MYO15A: variants seen among roughly 807,000 people sequenced by gnomAD.
MYO15A encodes unconventional myosin-XV.
In MYO15A, 308 loss-of-function variants were observed where a neutral mutation model predicts 394.6. The observed-to-expected ratio is 0.78, with a 90% CI of 0.71 to 0.86. The LOEUF is 0.86. MYO15A is among the 40% of genes least tolerant of loss of function. The pLI, the probability that MYO15A is intolerant of heterozygous loss-of-function variation, is 0.00. For missense variants in MYO15A, 4,606 were observed against 4,799.1 expected (o/e 0.96, Z 1.19); for synonymous variants, 1,957 against 2,003.8 (o/e 0.98, Z 0.62).
At chr17:18,141,561 T>C (rs2046381305) in intron 22 of MYO15A, 92 bp from the exon 23 acceptor site, 5 of 1,243,722 alleles carry the variant, frequency 4.0e-6, no homozygotes, top group Non-Finnish European at 5.9e-6. Flanking sequence ...ACCAGGCTTT[T>C]TGGACACCTG....
chr17:18,175,435 C>T (rs1232804924), intron 65 of MYO15A, among the ~76,000 whole-genome samples: 1 of 151,886 alleles, frequency 6.6e-6, no homozygotes, highest in Non-Finnish European at 1.5e-5. Context: ...GGACTGCAGG[C>T]GCATGCCACA....
In MYO15A at chr17:18,143,886, G is replaced by C; in HGVS notation, c.6063G>C (p.Gln2021His). 1.3e-6 allele frequency: 2 copies of C among 1,587,380 alleles called. No individual in the cohort carries two copies. The highest frequency in any genetic ancestry group is 1.7e-6 in the Non-Finnish European group (2 of 1,165,836). The change falls in exon 28 of 66, where the codon CAG becomes CAC. Residue 2021 changes from glutamine to histidine, a missense_variant. By Grantham distance (24) the Gln-to-His change is conservative. Coordinates refer to ENST00000647165, the MANE Select transcript of MYO15A (RefSeq NM_016239.4). ...TTTCCACAGGCCTCGGGCTGGCCCAGGTGCCTCAGGTGGCCCCTGTGAGGA... is the reference window on the plus strand; with the variant it reads ...TTTCCACAGGCCTCGGGCTGGCCCACGTGCCTCAGGTGGCCCCTGTGAGGA... ...LQAVAGLGLA[Q>H]VPQVAPVRTP...
At chr17:18,145,419 T>C (rs2046457843) in intron 29 of MYO15A, among the ~76,000 whole-genome samples, 1 of 152,142 alleles carries the variant, frequency 6.6e-6, no homozygotes, top group African/African-American at 2.4e-5. Context: ...CGGCATAGAA[T>C]ATGGCAGTTG....
In MYO15A at chr17:18,141,097, A is replaced by G; in HGVS notation, c.5485A>G (p.Lys1829Glu). ...SGVLETVRIR[K>E]EGFPVRLPFQ... is the part of the protein sequence containing the mutation. ...GGTGCTGGAGACCGTGAGGATCCGCAAGGAGGGATTTCCAGTGCGCCTGCC... is the reference window on the plus strand; with the variant it reads ...GGTGCTGGAGACCGTGAGGATCCGCGAGGAGGGATTTCCAGTGCGCCTGCC... The change falls in exon 22 of 66, where the codon AAG (lysine) becomes GAG (glutamate). Residue 1829 changes from lysine (K) to glutamate (E), a missense_variant. Around this residue, in one of 2 missense-constraint regions of MYO15A, gnomAD observed 2,776 missense variants for 3,109.3 expected, o/e 0.89. Transcript: ENST00000647165. 1 of 1,614,016 alleles carries G rather than the reference A, an allele frequency of 6.2e-7. No individual in the cohort carries two copies. Among genetic ancestry groups the G allele is most frequent in the East Asian group, 2.2e-5 (1 of 44,868 alleles).
chr17:18,134,305 C>A lies in MYO15A; in HGVS notation c.4482+919C>A, dbSNP rs1224768835. 2.6e-5 allele frequency among the ~76,000 whole-genome samples: 4 copies of A among 152,078 alleles called. No individual in the cohort carries two copies. In the East Asian group the frequency reaches 7.7e-4, roughly 29 times the overall value. On this transcript the variant is annotated intron_variant, in intron 12 of 65. Transcript: ENST00000647165. ...GCCCCGGCCTGTTGGGTTTTTTATG[C>A]AAATTGTTTTAAAATTATTTTTAGA... is the stretch of plus-strand genomic sequence containing the variant.
chr17:18,154,199 C>T lies in MYO15A; in HGVS notation c.8148+9C>T. ...ACCTCCTGTTCCGGCAGGTGAGGTC[C>T]TGTCTCCCCTTTCTGCCTCAGTGAA... On this transcript the variant is annotated intron_variant, in intron 44 of 65. Transcript: ENST00000647165. The T allele has an allele frequency of 6.2e-7, 1 of 1,613,876 alleles. No individual in the cohort carries two copies. Among genetic ancestry groups the T allele is most frequent in the Non-Finnish European group, 8.5e-7 (1 of 1,179,964 alleles).
intron 52 of MYO15A, 89 bp from the exon 53 acceptor site, chr17:18,158,836 C>A (rs1026536394): frequency 9.9e-5 from 151 of 1,527,606 alleles, no homozygotes; most frequent in Middle Eastern, 1.7e-4. Context: ...GGGTCAAGAA[C>A]CCCCTCCCTG....
chr17:18,132,077 A>G lies in MYO15A; in HGVS notation c.4207-376A>G, dbSNP rs2046177503. 6.6e-6 allele frequency among the ~76,000 whole-genome samples: 1 copy of G among 152,196 alleles called. No homozygotes were observed. Among genetic ancestry groups the G allele is most frequent in the Non-Finnish European group, 1.5e-5 (1 of 68,024 alleles). On this transcript the variant is annotated intron_variant, in intron 10 of 65. Transcript: ENST00000647165. This position sits in a 1 kb window ranked among gnomAD's most constrained non-coding sequence, Gnocchi z 4.6. ...CCACTATGTCCCAAGGGCCTAGGAC[A>G]GGGCTTGGTGCACAGGAAGTGCTCA... is the stretch of plus-strand genomic sequence containing the variant.
chr17:18,119,415 C>T lies in MYO15A; in HGVS notation c.615C>T (p.Phe205=). The stretch of plus-strand genomic sequence containing the variant: ...ACGCGTCAGGCGAGCCCCTGGGCTT[C>T]CTGCCCTTCGAGGACGAGGCCCCAT... ...SIYASGEPLG[F]LPFEDEAPFH... is the part of the protein sequence containing the mutation. Residue 205 remains phenylalanine, a synonymous_variant, in exon 2 of 66, where the codon TTC becomes TTT. Transcript: ENST00000647165. 1 of 1,612,046 alleles carries T rather than the reference C, an allele frequency of 6.2e-7. No homozygotes were observed.
chr17:18,127,291 G>A (rs1157098751), intron 7 of MYO15A, 126 bp downstream of exon 7: 5 of 1,211,044 alleles, frequency 4.1e-6, no homozygotes, highest in East Asian at 5.1e-5. Context: ...TCCAGAAGGG[G>A]GCCTTGCCCA....
chr17:18,136,776 T>C (rs2046286074), intron 15 of MYO15A, 90 bp downstream of exon 15: 4 of 1,504,014 alleles, frequency 2.7e-6, no homozygotes, highest in Middle Eastern at 3.7e-4. Flanking sequence ...CATCCCTTTC[T>C]GTGCCTGCAG....
Position 18,167,736 on chromosome 17 carries a change from C to T in MYO15A, c.10082+13C>T, listed in dbSNP as rs774433066. 2 of 1,602,114 alleles carry T rather than the reference C, an allele frequency of 1.2e-6. No homozygotes were observed. Among genetic ancestry groups the T allele is most frequent in the Admixed American group, 3.3e-5 (2 of 60,028 alleles). Reference sequence around the variant, plus strand: ...ACCTGCCGAGCGTGTGAGCATCTGCCCTCCTGCCTCAGCTGGGGTGGACAG... The same window carrying T: ...ACCTGCCGAGCGTGTGAGCATCTGCTCTCCTGCCTCAGCTGGGGTGGACAG... On this transcript the variant is annotated intron_variant, in intron 62 of 65. Coordinates refer to ENST00000647165, the MANE Select transcript of MYO15A (RefSeq NM_016239.4).
rs1555539322 is a variant in MYO15A, at chr17:18,121,056, GGC to G, written c.2258_2259del (p.Ala753GlyfsTer226). ...PSFRGSRRRG[A>X]AFGFPGASPR... is the part of the protein sequence containing the mutation. ...CGTTCAGGGGCTCCCGCCGGAGAGG[GGC>G]GGCTTTCGGCTTCCCCGGGGCCTCT... On this transcript the variant is annotated frameshift_variant, in exon 2 of 66. Coordinates refer to ENST00000647165, the MANE Select transcript of MYO15A (RefSeq NM_016239.4). LOFTEE classifies it high-confidence loss of function. This position sits in a 1 kb window ranked among gnomAD's most constrained non-coding sequence, Gnocchi z 5.3. The G allele has an allele frequency of 6.6e-7, 1 of 1,507,856 alleles. No individual in the cohort carries two copies. 93.4% of individuals were successfully genotyped at this position (1,507,856 alleles called of 1,614,324 possible). A position where few individuals can be genotyped will look rare whatever the true frequency, so the allele number is the denominator to read the frequency against.
intron 28 of MYO15A, 60 bp downstream of exon 28, chr17:18,144,060 A>T (rs1171556993): frequency 6.2e-7 from 1 of 1,609,626 alleles, no homozygotes; most frequent in Non-Finnish European, 8.5e-7. Context: ...ATTAGAATGG[A>T]CATTGTCCTT....
intron 59 of MYO15A, 76 bp from the exon 60 acceptor site, chr17:18,163,666 G>T: frequency 7.4e-7 from 1 of 1,354,028 alleles, no homozygotes. Flanking sequence ...CATGGCCTCT[G>T]GGGGCCTGAG....
In MYO15A at chr17:18,173,928, C is replaced by G; in HGVS notation, c.10491+7C>G. 6.2e-7 allele frequency: 1 copy of G among 1,612,558 alleles called. No individual in the cohort carries two copies. The highest frequency in any genetic ancestry group is 1.3e-5 in the African/African-American group (1 of 75,038). On this transcript the variant is annotated splice_region_variant and intron_variant, in intron 65 of 65. Transcript: ENST00000647165. ...GCAGCTGCAGCTGGAGCAGGTGGGCCCAGCGCTAAGTCCAACATTCCACTC... is the reference window on the plus strand; with the variant it reads ...GCAGCTGCAGCTGGAGCAGGTGGGCGCAGCGCTAAGTCCAACATTCCACTC...
In MYO15A at chr17:18,150,721, T is replaced by C. The variant is rs777435420; in HGVS notation, c.7351T>C (p.Leu2451=). Residue 2451 remains leucine (L), a synonymous_variant, in exon 37 of 66, where the codon TTG becomes CTG. Transcript: ENST00000647165. This position sits in a 1 kb window ranked among gnomAD's most constrained non-coding sequence, Gnocchi z 4.4. ...KPIPGLDAST[L]ALQQAFIHKQ... ...AGTCCCAGGCCTGGATGCCTCCACA[T>C]TGGCTCTGCAGCAAGCCTTCATCCA... is the stretch of plus-strand genomic sequence containing the variant. The C allele has an allele frequency of 3.8e-6, 6 of 1,589,828 alleles. No individual in the cohort carries two copies. Among genetic ancestry groups the C allele is most frequent in the Non-Finnish European group, 5.1e-6 (6 of 1,166,910 alleles).
At chr17:18,112,832 T>C (rs1597740662) in intron 1 of MYO15A, among the ~76,000 whole-genome samples, 1 of 146,546 alleles carries the variant, frequency 6.8e-6, no homozygotes, top group South Asian at 2.2e-4. Flanking sequence ...TAATTTCTTA[T>C]GTATCTTTTG....
chr17:18,134,239 C>T (rs1181688393), intron 12 of MYO15A, among the ~76,000 whole-genome samples: 2 of 152,176 alleles, frequency 1.3e-5, no homozygotes, highest in Admixed American at 6.5e-5. Context: ...CCGCCCACCT[C>T]GGCCTCCCAA....
Sources: allele counts gnomAD v4.1 joint callset (sites outside exome capture counted in the v4.1 genomes callset), GRCh38; gene constraint gnomAD v4.1.1; regional missense constraint gnomAD v4.1.1; non-coding constraint Gnocchi (gnomAD v3.1); transcripts MANE v1.5; gene names NCBI Gene and HGNC (gene_info 2026-07-23, HGNC 2026-07-21).